Variants in IRGM observed in about 807,000 individuals in gnomAD.
IRGM encodes the protein immunity-related GTPase family M protein.
For missense variants in IRGM, 288 were observed against 219.9 expected (o/e 1.31, Z -1.96); for synonymous variants, 98 against 80.6 (o/e 1.22, Z -1.16).
downstream of IRGM, among the ~76,000 whole-genome samples, chr5:150,851,111 A>G (rs954653797): frequency 6.6e-6 from 1 of 152,218 alleles, no homozygotes; most frequent in African/African-American, 2.4e-5. Context: ...AAGAATTGAC[A>G]TGATAGTTGG....
downstream of IRGM, among the ~76,000 whole-genome samples, chr5:150,850,048 G>A (rs899636598): frequency 6.6e-6 from 1 of 152,094 alleles, no homozygotes; most frequent in African/African-American, 2.4e-5. Context: ...CTGTATAGAT[G>A]GTAAAAGCAT....
intron 3 of IRGM, among the ~76,000 whole-genome samples, chr5:150,898,923 G>A (rs1475927890): frequency 1.3e-5 from 2 of 151,946 alleles, no homozygotes; most frequent in African/African-American, 4.8e-5. Flanking sequence ...CTAACCCCCA[G>A]TACCTCAAAA....
At chr5:150,880,078 C>T (rs1249895846) in intron 3 of IRGM, among the ~76,000 whole-genome samples, 1 of 152,142 alleles carries the variant, frequency 6.6e-6, no homozygotes, top group Non-Finnish European at 1.5e-5. Context: ...CATTAAAATT[C>T]CTGTCTTTGG....
At chr5:150,890,080 A>C (rs1191272854) in intron 3 of IRGM, among the ~76,000 whole-genome samples, 1 of 152,072 alleles carries the variant, frequency 6.6e-6, no homozygotes, top group Non-Finnish European at 1.5e-5. Context: ...AAGCTTGTAT[A>C]GAATTTGAAT....
At chr5:150,897,985 G>T in intron 3 of IRGM, 1 of 1,517,874 alleles carries the variant, frequency 6.6e-7, no homozygotes, top group Non-Finnish European at 8.8e-7. Flanking sequence ...GCAAAGAATA[G>T]GAGATTTTGA....
intron 1 of IRGM, among the ~76,000 whole-genome samples, chr5:150,874,022 T>C (rs961771433): frequency 6.6e-6 from 1 of 152,226 alleles, no homozygotes; most frequent in Non-Finnish European, 1.5e-5. Flanking sequence ...GTGACTCTGA[T>C]TGCAGCTACT....
chr5:150,886,136 C>G (rs1754518941), intron 3 of IRGM, among the ~76,000 whole-genome samples: 1 of 152,066 alleles, frequency 6.6e-6, no homozygotes, highest in African/African-American at 2.4e-5. Context: ...TTATTGAAAG[C>G]ATTTTCTTCA....
chr5:150,856,807 C>T (rs10053791), intron 1 of IRGM, among the ~76,000 whole-genome samples: 5,025 of 150,782 alleles, frequency 0.033, 264 homozygotes, highest in African/African-American at 0.12. Flanking sequence ...CATCCATATA[C>T]ATACACCTGC....
rs1036473915 is a variant in IRGM at position 150,847,891 on chromosome 5, G to A, written c.-233G>A. Reference sequence around the variant, plus strand: ...GATCTCAGCTCACTGCAATATCTGCGTCCAGGGTTCAAGCGATTCCCCTGC... The same window carrying A: ...GATCTCAGCTCACTGCAATATCTGCATCCAGGGTTCAAGCGATTCCCCTGC... On this transcript the variant is annotated 5_prime_UTR_variant, in exon 2 of 2. Coordinates refer to ENST00000522154, the MANE Select transcript of IRGM (RefSeq NM_001145805.2). 23 of 493,818 alleles carry A rather than the reference G, an allele frequency of 4.7e-5. No homozygotes were observed. Among genetic ancestry groups the A allele is most frequent in the South Asian group, 9.5e-5 (4 of 42,198 alleles). The allele number at this position is 493,818 out of a possible 1,614,324, so 30.6% of individuals were successfully genotyped here. A position where few individuals can be genotyped will look rare whatever the true frequency, so the allele number is the denominator to read the frequency against.
chr5:150,895,873 G>A, intron 3 of IRGM: 1 of 1,613,642 alleles, frequency 6.2e-7, no homozygotes, highest in Non-Finnish European at 8.5e-7. Context: ...TGAACTAACT[G>A]ATGTGTAATG....
chr5:150,892,032 A>G (rs1276751260), intron 3 of IRGM, among the ~76,000 whole-genome samples: 3 of 152,092 alleles, frequency 2.0e-5, no homozygotes, highest in African/African-American at 7.2e-5. Flanking sequence ...TCACATCCCC[A>G]ATGTTCTGCA....
intron 3 of IRGM, chr5:150,896,588 T>A: frequency 6.2e-7 from 1 of 1,613,704 alleles, no homozygotes; most frequent in Non-Finnish European, 8.5e-7. Flanking sequence ...ATTTTCCACC[T>A]CCAAAACTCT....
At chr5:150,891,390 C>T (rs1276634110) in intron 3 of IRGM, among the ~76,000 whole-genome samples, 1 of 151,970 alleles carries the variant, frequency 6.6e-6, no homozygotes, top group Non-Finnish European at 1.5e-5. Context: ...ACAATCTCTT[C>T]CCCTAATTGG....
At chr5:150,896,242 C>T (rs1159236012) in intron 3 of IRGM, 4 of 1,613,644 alleles carry the variant, frequency 2.5e-6, no homozygotes, top group Admixed American at 1.7e-5. Context: ...TGAGAGAAGG[C>T]TTTTCCACAT....
At position 150,848,346 on chromosome 5, in the gene IRGM, T is replaced by C. The variant is rs1753914166; in HGVS notation, c.223T>C (p.Cys75Arg). The C allele has an allele frequency of 1.9e-6, 3 of 1,551,844 alleles. No individual in the cohort carries two copies. In the South Asian group the frequency reaches 3.6e-5, roughly 18 times the overall value. ...TGAGCTGGTAAAAGCTACCCAAAGA[T>C]GTGCCTCCTATTTCTCTTCCCACTT... ...PTELVKATQR[C>R]ASYFSSHFSN... The change falls in exon 2 of 2, where the codon TGT (cysteine) becomes CGT (arginine). Residue 75 changes from cysteine to arginine, a missense_variant. Transcript: ENST00000522154.
At chr5:150,897,549 T>G (rs17800777) in intron 3 of IRGM, 6,864 of 156,226 alleles carry the variant, frequency 0.044, 200 homozygotes, top group East Asian at 0.16. Context: ...CCAGAAAAGC[T>G]GTATCTTCCT....
At chr5:150,896,289 C>A (rs1754774772) in intron 3 of IRGM, 1 of 1,613,660 alleles carries the variant, frequency 6.2e-7, no homozygotes, top group Non-Finnish European at 8.5e-7. Flanking sequence ...AGTATGAGTT[C>A]TCTGATGTAC....
At chr5:150,876,857 C>T (rs772061538) in intron 1 of IRGM, among the ~76,000 whole-genome samples, 5 of 152,210 alleles carry the variant, frequency 3.3e-5, no homozygotes, top group East Asian at 1.9e-4. Context: ...GAAATGAGGA[C>T]GATAATTGTC....
chr5:150,896,768 A>T, intron 3 of IRGM: 1 of 1,613,830 alleles, frequency 6.2e-7, no homozygotes, highest in South Asian at 1.1e-5. Flanking sequence ...CTGATGCCTC[A>T]GTCACTGTTT....
Sources: gnomAD v4.1 joint callset for allele counts (sites outside exome capture counted in the v4.1 genomes callset) on GRCh38, gnomAD v4.1.1 for gene constraint, MANE v1.5 for transcripts, NCBI Gene and HGNC (gene_info 2026-07-23, HGNC 2026-07-21) for gene names.